Variants in CSMD1 observed in about 807,000 individuals in gnomAD.
CSMD1 encodes CUB and Sushi multiple domains 1, also known as CUB and sushi domain-containing protein 1.
Under a neutral mutation model 417.5 loss-of-function variants are expected in CSMD1, and 213 were observed. The observed-to-expected ratio is 0.51, with a 90% CI of 0.46 to 0.57. The LOEUF (loss-of-function observed/expected upper bound fraction) is 0.57. Among genes scored for constraint, CSMD1 ranks in the 20% least tolerant of loss-of-function variants. The pLI, the probability that CSMD1 is intolerant of heterozygous loss-of-function variation, is 0.00. For synonymous variants in CSMD1, 2,862 were observed against 1,736.8 expected (o/e 1.65, Z -16.11); for missense variants, 6,923 against 4,529.7 (o/e 1.53, Z -15.17).
chr8:4,683,881 G>C (rs1040475412), intron 1 of CSMD1, among the ~76,000 whole-genome samples: 1 of 152,172 alleles, frequency 6.6e-6, no homozygotes, highest in South Asian at 2.1e-4. Flanking sequence ...TAATTGTCAA[G>C]AACTTTATAG....
intron 60 of CSMD1, 129 bp from the exon 61 acceptor site, chr8:2,962,768 G>T: frequency 5.1e-6 from 5 of 976,460 alleles, no homozygotes; most frequent in South Asian, 1.7e-5. Context: ...CTAAAAGGAG[G>T]CCAGGCACGG....
chr8:3,816,458 T>G (rs569998461), intron 5 of CSMD1, among the ~76,000 whole-genome samples: 1 of 152,194 alleles, frequency 6.6e-6, no homozygotes, highest in Non-Finnish European at 1.5e-5. Context: ...ATTCCGTTAG[T>G]AGCTGTTATG....
chr8:4,085,311 T>G (rs1370765084), intron 3 of CSMD1, among the ~76,000 whole-genome samples: 1 of 152,156 alleles, frequency 6.6e-6, no homozygotes, highest in Non-Finnish European at 1.5e-5. Flanking sequence ...GGAAGTTTAA[T>G]GAAGCTTCTT....
At position 4,138,858 on chromosome 8, in the gene CSMD1, T is replaced by C. The variant is rs560214750; in HGVS notation, c.416-106759A>G. Among the ~76,000 whole-genome samples, 5 of 152,300 alleles carry C rather than the reference T, an allele frequency of 3.3e-5. No individual in the cohort carries two copies. The South Asian group carries it at 1.0e-3, about 32-fold the overall frequency. The stretch of plus-strand genomic sequence containing the variant: ...TATAGAGAATAAAGTTAATATATTG[T>C]GAATTATTTAATAGGAAGGTTAATT... On this transcript the variant is annotated intron_variant, in intron 3 of 69. Coordinates refer to ENST00000635120, the MANE Select transcript of CSMD1 (RefSeq NM_033225.6).
intron 10 of CSMD1, among the ~76,000 whole-genome samples, chr8:3,522,887 T>G: frequency 6.7e-6 from 1 of 149,866 alleles, no homozygotes; most frequent in South Asian, 2.1e-4. Context: ...AAATATTACC[T>G]TTCAATATAT....
chr8:4,284,014 C>T (rs1235459243), intron 3 of CSMD1, among the ~76,000 whole-genome samples: 8 of 152,158 alleles, frequency 5.3e-5, no homozygotes, highest in African/African-American at 1.7e-4. Context: ...AGGTGAATCA[C>T]TTGAGGTCAG....
At chr8:4,019,970 G>A (rs62502682) in intron 4 of CSMD1, among the ~76,000 whole-genome samples, 1,547 of 150,476 alleles carry the variant, frequency 0.01, 14 homozygotes, top group Middle Eastern at 0.024. Context: ...AGATCCTGTA[G>A]CTTACATGAA....
chr8:4,786,452 G>T (rs1410615326), intron 1 of CSMD1, among the ~76,000 whole-genome samples: 1 of 152,182 alleles, frequency 6.6e-6, no homozygotes, highest in Non-Finnish European at 1.5e-5. Context: ...CATGTATCTT[G>T]CTGATTCTCT....
chr8:4,191,123 G>C (rs1043869899), intron 3 of CSMD1, among the ~76,000 whole-genome samples: 1 of 152,142 alleles, frequency 6.6e-6, no homozygotes, highest in Non-Finnish European at 1.5e-5. Context: ...AAGGCCAGGC[G>C]AGGTAGCTCA....
chr8:4,405,614 A>G (rs1026591299), intron 3 of CSMD1, among the ~76,000 whole-genome samples: 13 of 152,234 alleles, frequency 8.5e-5, no homozygotes, highest in Non-Finnish European at 1.8e-4. Context: ...TCAAAAAAGA[A>G]AAAAAGAAAA....
At chr8:3,780,460 G>A (rs540773210) in intron 5 of CSMD1, among the ~76,000 whole-genome samples, 1 of 152,278 alleles carries the variant, frequency 6.6e-6, no homozygotes, top group Non-Finnish European at 1.5e-5. Flanking sequence ...AACTTTAATG[G>A]TTCAAAATTA....
chr8:3,895,328 G>C (rs141315062), intron 5 of CSMD1, among the ~76,000 whole-genome samples: 3 of 152,202 alleles, frequency 2.0e-5, no homozygotes, highest in Admixed American at 2.0e-4. Context: ...ATAGATTTAT[G>C]TTTGGAGTTA....
intron 4 of CSMD1, among the ~76,000 whole-genome samples, chr8:4,024,458 A>G (rs1234645012): frequency 1.3e-5 from 2 of 152,200 alleles, no homozygotes; most frequent in African/African-American, 4.8e-5. Flanking sequence ...CTGATCTTCA[A>G]TGTTAGTAAA....
chr8:3,498,128 G>C (rs1161534350), intron 10 of CSMD1, among the ~76,000 whole-genome samples: 1 of 152,050 alleles, frequency 6.6e-6, no homozygotes, highest in African/African-American at 2.4e-5. Context: ...ATATCACCCT[G>C]TTCTCCCCTA....
At chr8:3,627,250 T>C (rs894816717) in intron 7 of CSMD1, among the ~76,000 whole-genome samples, 4 of 152,196 alleles carry the variant, frequency 2.6e-5, no homozygotes, top group Admixed American at 1.3e-4. Flanking sequence ...AAAAACCTTC[T>C]GTGCAGCTGT....
intron 4 of CSMD1, among the ~76,000 whole-genome samples, chr8:4,003,411 AAAAC>A (rs538851769): frequency 1.5e-5 from 2 of 129,710 alleles, no homozygotes; most frequent in African/African-American, 2.7e-5. Flanking sequence ...AACAAACAAA[AAAAC>A]AAACAAATAA....
At chr8:4,029,787 G>A (rs1157725736) in intron 4 of CSMD1, among the ~76,000 whole-genome samples, 1 of 152,056 alleles carries the variant, frequency 6.6e-6, no homozygotes, top group African/African-American at 2.4e-5. Context: ...GACAAAACAA[G>A]TATCTTCCTC....
intron 3 of CSMD1, among the ~76,000 whole-genome samples, chr8:4,070,641 G>T (rs992541796): frequency 6.6e-6 from 1 of 152,110 alleles, no homozygotes; most frequent in Non-Finnish European, 1.5e-5. Flanking sequence ...ACAGGCGTGA[G>T]CCACCGTGCC....
chr8:3,277,969 C>G (rs1454631938), intron 26 of CSMD1, among the ~76,000 whole-genome samples: 1 of 152,154 alleles, frequency 6.6e-6, no homozygotes, highest in Non-Finnish European at 1.5e-5. Context: ...AGCGTCATTT[C>G]TGCAGAAACC....
Sources: gnomAD v4.1 joint callset for allele counts (sites outside exome capture counted in the v4.1 genomes callset) on GRCh38, gnomAD v4.1.1 for gene constraint, MANE v1.5 for transcripts, NCBI Gene and HGNC (gene_info 2026-07-23, HGNC 2026-07-21) for gene names.